The following ADGRL4 variants were observed in gnomAD, a reference collection of about 807,000 sequenced individuals.
ADGRL4 encodes the protein EGF, latrophilin and seven transmembrane domain containing 1.
ADGRL4 carries 90 observed loss-of-function variants against 74.8 expected under a neutral mutation model. The ratio of observed to expected loss-of-function variants is 1.20; its 90% confidence interval spans 1.02 to 1.43. ADGRL4 has a LOEUF of 1.43. Ranked by LOEUF, ADGRL4 falls within the 40% of genes most tolerant of loss-of-function variation. ADGRL4 has a pLI of 0.00. For synonymous variants in ADGRL4, 311 were observed against 279.2 expected (o/e 1.11, Z -1.14); for missense variants, 881 against 814.3 (o/e 1.08, Z -1.00).
chr1:78,893,058 C>CAAAA lies in ADGRL4; in HGVS notation c.1841+36_1841+39dup, dbSNP rs10640737. 8.0e-3 allele frequency: 6,775 copies of CAAAA among 845,014 alleles called. 21 individuals are homozygous for CAAAA. The highest frequency in any genetic ancestry group is 0.013 in the South Asian group (652 of 48,608). The allele number at this position is 845,014 out of a possible 1,614,324, so 52.3% of individuals were successfully genotyped here. A position where few individuals can be genotyped will look rare whatever the true frequency, so the allele number is the denominator to read the frequency against. The stretch of plus-strand genomic sequence containing the variant: ...TTGAGTTACTAAAGCTTTTAATTAC[C>CAAAA]AAAAAAAAAAAAAAAAAGTGAACTT... On this transcript the variant is annotated intron_variant, in intron 13 of 14. Transcript: ENST00000370742.
At chr1:78,916,485 C>T (rs1164856615) in intron 12 of ADGRL4, among the ~76,000 whole-genome samples, 1 of 151,832 alleles carries the variant, frequency 6.6e-6, no homozygotes, top group African/African-American at 2.4e-5. Context: ...AATAAATTAA[C>T]TCAACTTGTT....
intron 7 of ADGRL4, among the ~76,000 whole-genome samples, chr1:78,931,360 C>T (rs1390921828): frequency 6.6e-6 from 1 of 151,374 alleles, no homozygotes; most frequent in Admixed American, 6.6e-5. Flanking sequence ...GAAATAAAAT[C>T]CTTTCTAGAC....
At chr1:78,891,484 A>T in intron 14 of ADGRL4, 40 bp downstream of exon 14, 2 of 1,581,056 alleles carry the variant, frequency 1.3e-6, no homozygotes, top group Non-Finnish European at 1.7e-6. Context: ...CTGATGTTAC[A>T]TGAATATACT....
At chr1:78,894,197 T>C (rs560037176) in intron 12 of ADGRL4, among the ~76,000 whole-genome samples, 1 of 151,896 alleles carries the variant, frequency 6.6e-6, no homozygotes, top group Non-Finnish European at 1.5e-5. Flanking sequence ...CTTTTTTCTA[T>C]CTTCTAATGA....
chr1:78,952,327 G>GGTTT (rs1557510405), intron 2 of ADGRL4, among the ~76,000 whole-genome samples: 1 of 25,670 alleles, frequency 3.9e-5, no homozygotes, highest in African/African-American at 9.0e-5. Context: ...AACATAGAAA[G>GGTTT]CTTTTTTTTT....
chr1:78,954,043 G>A (rs1394641294), intron 2 of ADGRL4, among the ~76,000 whole-genome samples: 2 of 152,152 alleles, frequency 1.3e-5, no homozygotes, highest in East Asian at 3.8e-4. Context: ...CTACTTGGGA[G>A]GCTGAGGCAG....
chr1:78,916,560 T>C (rs1291057449), intron 12 of ADGRL4, among the ~76,000 whole-genome samples: 1 of 151,960 alleles, frequency 6.6e-6, no homozygotes, highest in African/African-American at 2.4e-5. Context: ...GTGAGAATTA[T>C]AAATGAGTTT....
At chr1:78,997,837 G>T (rs895262773) in intron 2 of ADGRL4, among the ~76,000 whole-genome samples, 2 of 152,096 alleles carry the variant, frequency 1.3e-5, no homozygotes, top group Non-Finnish European at 1.5e-5. Context: ...AAGTAAAAGA[G>T]ATTTCAGAGT....
rs762938384 is a variant in ADGRL4 at position 78,891,631 on chromosome 1, C to A, written c.1903G>T (p.Val635Phe). Residue 635 changes from valine (V) to phenylalanine (F), a missense_variant, in exon 14 of 15, where the codon GTT (valine) becomes TTT (phenylalanine). Physicochemically the swap from Val to Phe is conservative, Grantham distance 50 (BLOSUM62 -1). Transcript: ENST00000370742. The stretch of plus-strand genomic sequence containing the variant: ...ACTGATGCGTGCACAACATGGAGAA[C>A]CCCAAAGATCCAGGTGGTGCCGAGA... Reference protein sequence around the residue: ...FLLGTTWIFGVLHVVHASVVT... With the variant: ...FLLGTTWIFGFLHVVHASVVT... 4.3e-6 allele frequency: 7 copies of A among 1,613,172 alleles called. No individual in the cohort carries two copies. In the African/African-American group the frequency reaches 5.3e-5, roughly 12 times the overall value.
In ADGRL4 at chr1:78,926,604, G is replaced by A. The variant is rs998539898; in HGVS notation, c.1083+282C>T. ...TAATAACTCATTCTTCGAAACCATG[G>A]ATATTTCCAAAATAAACAGTGTACT... On this transcript the variant is annotated intron_variant, in intron 8 of 14. Transcript: ENST00000370742. 3.7e-4 allele frequency among the ~76,000 whole-genome samples: 56 copies of A among 151,786 alleles called. 1 individual carries two copies. Among genetic ancestry groups the A allele is most frequent in the Admixed American group, 3.3e-3 (50 of 15,172 alleles).
At chr1:78,939,076 C>A in intron 4 of ADGRL4, 112 bp downstream of exon 4, 1 of 1,292,252 alleles carries the variant, frequency 7.7e-7, no homozygotes, top group South Asian at 1.9e-5. Flanking sequence ...ACGTTTTCGA[C>A]TCTCCCTAAA....
At chr1:78,903,651 A>G (rs1407884292) in intron 12 of ADGRL4, among the ~76,000 whole-genome samples, 1 of 152,028 alleles carries the variant, frequency 6.6e-6, no homozygotes, top group African/African-American at 2.4e-5. Context: ...GTCAGGTACT[A>G]TTGGCCGGGC....
At chr1:78,897,254 C>T (rs766287403) in intron 12 of ADGRL4, among the ~76,000 whole-genome samples, 1 of 152,148 alleles carries the variant, frequency 6.6e-6, no homozygotes, top group Non-Finnish European at 1.5e-5. Flanking sequence ...TAAGCCTTGA[C>T]TTTGGGCTTC....
chr1:78,904,228 C>A (rs1324019169), intron 12 of ADGRL4, among the ~76,000 whole-genome samples: 1 of 151,546 alleles, frequency 6.6e-6, no homozygotes, highest in Non-Finnish European at 1.5e-5. Context: ...AGTGGTAGAT[C>A]TGCTACATCT....
chr1:78,934,403 C>G (rs763301167), intron 7 of ADGRL4, among the ~76,000 whole-genome samples: 1 of 152,062 alleles, frequency 6.6e-6, no homozygotes, highest in Non-Finnish European at 1.5e-5. Flanking sequence ...AAAATTAACT[C>G]AAGATGGATT....
chr1:78,986,550 G>A (rs1232628338), intron 2 of ADGRL4, among the ~76,000 whole-genome samples: 1 of 151,808 alleles, frequency 6.6e-6, no homozygotes. Flanking sequence ...GTTCAAGGCT[G>A]AAGTAAGCTA....
In ADGRL4 at chr1:78,948,633, C is replaced by T. The variant is rs1203732744; in HGVS notation, c.173-2207G>A. On this transcript the variant is annotated intron_variant, in intron 2 of 14. Transcript: ENST00000370742. ...ATTAACATGCATTTAATTAATTTAC[C>T]TATTTTATATAAATAAATATATGAT... Among the ~76,000 whole-genome samples, 4 of 151,928 alleles carry T rather than the reference C, an allele frequency of 2.6e-5. No individual in the cohort carries two copies. In the East Asian group the frequency reaches 5.8e-4, roughly 22 times the overall value.
chr1:78,914,708 A>T (rs557848164), intron 12 of ADGRL4, among the ~76,000 whole-genome samples: 387 of 151,754 alleles, frequency 2.6e-3, no homozygotes, highest in African/African-American at 8.6e-3. Context: ...TAGATTTTTT[A>T]AAATCTGGTG....
intron 2 of ADGRL4, among the ~76,000 whole-genome samples, chr1:78,992,587 A>C (rs1650628967): frequency 6.6e-6 from 1 of 152,040 alleles, no homozygotes; most frequent in Non-Finnish European, 1.5e-5. Context: ...TCTCATTCTT[A>C]TCCTACTCAC....
Sources: allele counts gnomAD v4.1 joint callset (sites outside exome capture counted in the v4.1 genomes callset), GRCh38; gene constraint gnomAD v4.1.1; transcripts MANE v1.5; gene names NCBI Gene and HGNC (gene_info 2026-07-23, HGNC 2026-07-21).